The following WWOX variants were observed in gnomAD, a reference collection of about 807,000 sequenced individuals.
WWOX encodes the protein WW domain-containing oxidoreductase.
Under a neutral mutation model 46.2 loss-of-function variants are expected in WWOX, and 69 were observed. That is an observed-to-expected ratio of 1.49 (90% CI 1.23 to 1.82). The LOEUF is 1.82. Among genes scored for constraint, WWOX ranks in the 40% most tolerant of loss-of-function variants. The pLI is 0.00. For synonymous variants in WWOX, 359 were observed against 202.6 expected (o/e 1.77, Z -6.56); for missense variants, 919 against 542.6 (o/e 1.69, Z -6.89).
chr16:78,655,718 C>G (rs1458494918), intron 8 of WWOX, among the ~76,000 whole-genome samples: 1 of 152,078 alleles, frequency 6.6e-6, no homozygotes, highest in Non-Finnish European at 1.5e-5. Context: ...TATTTCCTGG[C>G]TGTGGTTCCT....
Position 78,386,827 on chromosome 16 carries a change from T to C in WWOX, c.517-33T>C, listed in dbSNP as rs370956655. On this transcript the variant is annotated intron_variant, in intron 5 of 8. Transcript: ENST00000566780. ...ATACCATGAACTACACTTGCTGTTA[T>C]TTATCATTTCTTTTTATTTTCTCTC... 2.5e-4 allele frequency: 397 copies of C among 1,582,506 alleles called. 1 individual carries two copies. Among genetic ancestry groups the C allele is most frequent in the Non-Finnish European group, 3.2e-4 (368 of 1,151,022 alleles).
intron 8 of WWOX, among the ~76,000 whole-genome samples, chr16:78,774,531 T>TGTGTGTGTGC (rs1021809877): frequency 6.9e-6 from 1 of 144,252 alleles, no homozygotes; most frequent in African/African-American, 2.8e-5. Context: ...TGTGTGTGTG[T>TGTGTGTGTGC]GCGCGTGCGC....
At chr16:78,850,930 G>A (rs555987651) in intron 8 of WWOX, among the ~76,000 whole-genome samples, 7 of 152,294 alleles carry the variant, frequency 4.6e-5, no homozygotes, top group South Asian at 2.1e-4. Context: ...ATAAGGAATC[G>A]GGATGGCAGT....
At chr16:78,732,551 A>G (rs189507544) in intron 8 of WWOX, among the ~76,000 whole-genome samples, 3 of 152,250 alleles carry the variant, frequency 2.0e-5, no homozygotes, top group East Asian at 3.9e-4. Context: ...CATGTGGTAG[A>G]TTTACACTTC....
chr16:79,046,941 C>A (rs1257075324), intron 8 of WWOX, among the ~76,000 whole-genome samples: 1 of 152,270 alleles, frequency 6.6e-6, no homozygotes, highest in African/African-American at 2.4e-5. Flanking sequence ...AACTCATTAT[C>A]TCCCTTCCAT....
chr16:78,621,049 TGGCA>T (rs144569980), intron 8 of WWOX, among the ~76,000 whole-genome samples: 1 of 152,344 alleles, frequency 6.6e-6, no homozygotes, highest in East Asian at 1.9e-4. Context: ...GTAAAGCCTG[TGGCA>T]GCCTTTAACT....
intron 8 of WWOX, among the ~76,000 whole-genome samples, chr16:78,528,693 G>T (rs1183419927): frequency 6.6e-6 from 1 of 152,096 alleles, no homozygotes; most frequent in Non-Finnish European, 1.5e-5. Flanking sequence ...TTCTTTGGCA[G>T]TTGTAATTTA....
chr16:78,684,821 T>G (rs1361819265), intron 8 of WWOX, among the ~76,000 whole-genome samples: 1 of 152,200 alleles, frequency 6.6e-6, no homozygotes, highest in African/African-American at 2.4e-5. Flanking sequence ...AGTGAAGCAG[T>G]TATAGCTTCA....
chr16:79,010,984 G>A (rs1232856110), intron 8 of WWOX, among the ~76,000 whole-genome samples: 7 of 152,104 alleles, frequency 4.6e-5, no homozygotes, highest in Non-Finnish European at 1.0e-4. Flanking sequence ...CAGGCTCTGA[G>A]TAGAGGAGTA....
chr16:78,551,105 C>T (rs936375446), intron 8 of WWOX: 4 of 151,914 alleles, frequency 2.6e-5, no homozygotes, highest in Admixed American at 6.6e-5. Context: ...AAACAAATAT[C>T]GTGAATATAT....
At chr16:79,120,173 C>G (rs910521431) in intron 8 of WWOX, among the ~76,000 whole-genome samples, 4 of 152,340 alleles carry the variant, frequency 2.6e-5, no homozygotes, top group East Asian at 3.9e-4. Flanking sequence ...TTCCATACGG[C>G]CTGTGAGGCC....
rs537594878 is a variant in WWOX, at chr16:78,523,754, A to G, written c.1056+91002A>G. On this transcript the variant is annotated intron_variant, in intron 8 of 8. Coordinates refer to ENST00000566780, the MANE Select transcript of WWOX (RefSeq NM_016373.4). ...TTTTCCCGCATACATGATGTCCAGC[A>G]CAACGTCTGATTTATGAGAGCATGA... Among the ~76,000 whole-genome samples, 5 of 152,346 alleles carry G rather than the reference A, an allele frequency of 3.3e-5. No homozygotes were observed. In the South Asian group the frequency reaches 1.0e-3, roughly 32 times the overall value.
intron 8 of WWOX, among the ~76,000 whole-genome samples, chr16:78,623,217 C>T (rs540115831): frequency 6.6e-6 from 1 of 152,114 alleles, no homozygotes; most frequent in South Asian, 2.1e-4. Context: ...ATGTATGTGG[C>T]TTTAAGCTGT....
In WWOX at chr16:78,947,461, C is replaced by G. The variant is rs372433014; in HGVS notation, c.1057-264147C>G. On this transcript the variant is annotated intron_variant, in intron 8 of 8. Coordinates refer to ENST00000566780, the MANE Select transcript of WWOX (RefSeq NM_016373.4). ...AACTGAGATGAAAGGAGTGAGGAAA[C>G]GCTCTCTTCTTCTTGCAGGGGAGGG... Among the ~76,000 whole-genome samples the G allele has an allele frequency of 3.9e-5, 6 of 152,246 alleles. No homozygotes were observed. In the South Asian group the frequency reaches 8.3e-4, roughly 21 times the overall value.
At chr16:78,821,664 G>A (rs1126341) in intron 8 of WWOX, among the ~76,000 whole-genome samples, 24,213 of 152,064 alleles carry the variant, frequency 0.16, 2,017 homozygotes, top group Admixed American at 0.22. Context: ...GCATGTGGTC[G>A]TTCACAGGTG....
intron 8 of WWOX, among the ~76,000 whole-genome samples, chr16:78,791,018 C>CAAA (rs775592585): frequency 0.17 from 10,684 of 62,032 alleles, 1,093 homozygotes; most frequent in South Asian, 0.21. Context: ...GACCCTGTCT[C>CAAA]AAAAAAAAAA....
At chr16:78,973,222 C>G (rs899129302) in intron 8 of WWOX, among the ~76,000 whole-genome samples, 1 of 152,142 alleles carries the variant, frequency 6.6e-6, no homozygotes, top group Non-Finnish European at 1.5e-5. Flanking sequence ...AAACCACAGA[C>G]CGGAGCTTGT....
At chr16:78,566,930 C>T (rs150221930) in intron 8 of WWOX, among the ~76,000 whole-genome samples, 22 of 152,206 alleles carry the variant, frequency 1.4e-4, no homozygotes, top group African/African-American at 3.4e-4. Flanking sequence ...GCAGCAGTAT[C>T]GATAGCAATC....
intron 8 of WWOX, among the ~76,000 whole-genome samples, chr16:78,672,664 A>G (rs1452285879): frequency 6.6e-6 from 1 of 152,192 alleles, no homozygotes. Context: ...AGATACTTAA[A>G]TAAAAGTGAT....
Sources: allele counts gnomAD v4.1 joint callset (sites outside exome capture counted in the v4.1 genomes callset), GRCh38; gene constraint gnomAD v4.1.1; transcripts MANE v1.5; gene names NCBI Gene and HGNC (gene_info 2026-07-23, HGNC 2026-07-21).